Variants in SUSD5 observed in about 807,000 individuals in gnomAD.
SUSD5 encodes the protein sushi domain-containing protein 5.
A neutral mutation model predicts 29.5 loss-of-function variants in SUSD5; 33 were observed. The ratio of observed to expected loss-of-function variants is 1.12; its 90% CI spans 0.85 to 1.49. SUSD5 has a LOEUF of 1.49. Ranked by LOEUF, SUSD5 falls within the 40% of genes most tolerant of loss-of-function variation. The pLI, the probability that SUSD5 is intolerant of heterozygous loss-of-function variation, is 0.00. For missense variants in SUSD5, 776 were observed against 800.6 expected, an observed-to-expected ratio of 0.97 and a Z score of 0.37; for synonymous variants, 308 against 325.3, an observed-to-expected ratio of 0.95 and a Z score of 0.57.
chr3:33,186,676 C>T (rs577789322), intron 3 of SUSD5, among the ~76,000 whole-genome samples: 2 of 152,200 alleles, frequency 1.3e-5, no homozygotes, highest in South Asian at 2.1e-4. Context: ...CTGCCCGCCT[C>T]GGCCTCCCAA....
intron 3 of SUSD5, among the ~76,000 whole-genome samples, chr3:33,188,957 T>G (rs902597576): frequency 1.3e-5 from 2 of 152,330 alleles, no homozygotes; most frequent in East Asian, 3.9e-4. Context: ...TATAAGTGGT[T>G]GAAAATTATT....
intron 3 of SUSD5, among the ~76,000 whole-genome samples, chr3:33,188,955 G>A (rs2031832128): frequency 6.6e-6 from 1 of 152,138 alleles, no homozygotes; most frequent in African/African-American, 2.4e-5. Flanking sequence ...GGTATAAGTG[G>A]TTGAAAATTA....
intron 3 of SUSD5, among the ~76,000 whole-genome samples, chr3:33,175,563 C>CTA (rs144377358): frequency 0.13 from 19,795 of 150,182 alleles, 1,503 homozygotes; most frequent in South Asian, 0.25. Flanking sequence ...CACACACACA[C>CTA]TATATATATA....
At chr3:33,168,341 C>T (rs550609318) in intron 4 of SUSD5, among the ~76,000 whole-genome samples, 1 of 152,244 alleles carries the variant, frequency 6.6e-6, no homozygotes, top group East Asian at 1.9e-4. Context: ...GTTCAATAAA[C>T]CTCTGAACAA....
Position 33,153,798 on chromosome 3 carries a change from A to T in SUSD5, c.834T>A (p.Ser278Arg), listed in dbSNP as rs766685872. ...GTGATCCTGGTGAATCTGCGGGGACACTGCTCCCAGCACCAGGCAAGCCTG... is the reference window on the plus strand; with the variant it reads ...GTGATCCTGGTGAATCTGCGGGGACTCTGCTCCCAGCACCAGGCAAGCCTG... ...PTTGLPGAGS[S>R]VPADSPGSRL... The change falls in exon 5 of 5, where the codon AGT (serine) becomes AGA (arginine). Residue 278 changes from serine to arginine, a missense_variant. Transcript: ENST00000309558. 2 of 1,614,010 alleles carry T rather than the reference A, an allele frequency of 1.2e-6. No homozygotes were observed. Among genetic ancestry groups the T allele is most frequent in the Non-Finnish European group, 1.7e-6 (2 of 1,179,876 alleles).
intron 2 of SUSD5, 41 bp from the exon 3 acceptor site, chr3:33,207,967 G>C: frequency 1.4e-6 from 2 of 1,480,212 alleles, no homozygotes; most frequent in Non-Finnish European, 1.9e-6. Flanking sequence ...GAAAACTCTG[G>C]GTTGAAAATA....
At chr3:33,177,487 T>C (rs533394094) in intron 3 of SUSD5, among the ~76,000 whole-genome samples, 5 of 152,306 alleles carry the variant, frequency 3.3e-5, no homozygotes, top group African/African-American at 9.6e-5. Flanking sequence ...GGTGCTAATA[T>C]AAATGGTAAC....
intron 4 of SUSD5, among the ~76,000 whole-genome samples, chr3:33,164,969 A>AACACACACACACACC (rs1348203812): frequency 3.4e-5 from 5 of 147,036 alleles, no homozygotes; most frequent in Non-Finnish European, 7.5e-5. Context: ...ACTAAAGTTG[A>AACACACACACACACC]ACACACACAC....
intron 3 of SUSD5, among the ~76,000 whole-genome samples, chr3:33,189,627 T>G (rs915387266): frequency 1.3e-5 from 2 of 152,210 alleles, no homozygotes; most frequent in African/African-American, 4.8e-5. Context: ...TGTTTTTGTT[T>G]TGAGAAGTGT....
intron 3 of SUSD5, among the ~76,000 whole-genome samples, chr3:33,186,159 G>T (rs1048975088): frequency 6.6e-6 from 1 of 151,906 alleles, no homozygotes; most frequent in Non-Finnish European, 1.5e-5. Flanking sequence ...AAAATTAGCT[G>T]GGCGTGGTGG....
At chr3:33,161,428 A>G (rs72859137) in intron 4 of SUSD5, among the ~76,000 whole-genome samples, 43,303 of 150,674 alleles carry the variant, frequency 0.29, 6,907 homozygotes, top group East Asian at 0.52. Context: ...AAAATGCTTA[A>G]TTGCTTCGAA....
chr3:33,169,835 G>A (rs9854123), intron 4 of SUSD5, among the ~76,000 whole-genome samples: 61,276 of 151,948 alleles, frequency 0.4, 12,962 homozygotes, highest in East Asian at 0.72. Context: ...AAACAGAACC[G>A]ATGGAACTGA....
intron 4 of SUSD5, among the ~76,000 whole-genome samples, chr3:33,159,035 T>C (rs2031118632): frequency 6.6e-6 from 1 of 152,218 alleles, no homozygotes; most frequent in African/African-American, 2.4e-5. Context: ...TTCATTTTCT[T>C]TCAGGTCATC....
intron 3 of SUSD5, among the ~76,000 whole-genome samples, chr3:33,191,225 G>A (rs1246263359): frequency 1.3e-5 from 2 of 151,932 alleles, no homozygotes; most frequent in African/African-American, 4.8e-5. Context: ...CACCTCCTGG[G>A]TTTAAGCCAT....
chr3:33,203,269 A>G (rs1459322298), intron 3 of SUSD5, among the ~76,000 whole-genome samples: 1 of 152,218 alleles, frequency 6.6e-6, no homozygotes, highest in Non-Finnish European at 1.5e-5. Context: ...GCAGAGGGAC[A>G]GGGATAGAAC....
chr3:33,205,068 T>C (rs1559456477), intron 3 of SUSD5, among the ~76,000 whole-genome samples: 2 of 152,066 alleles, frequency 1.3e-5, no homozygotes, highest in African/African-American at 2.4e-5. Flanking sequence ...TTTTGAACCA[T>C]TGGAGAGTAA....
At chr3:33,177,722 A>G (rs766205366) in intron 3 of SUSD5, among the ~76,000 whole-genome samples, 2 of 152,016 alleles carry the variant, frequency 1.3e-5, no homozygotes, top group African/African-American at 4.8e-5. Flanking sequence ...GCTGGTCCAC[A>G]GGAAAGTGAT....
chr3:33,208,061 T>C (rs1429427381), intron 2 of SUSD5, 135 bp from the exon 3 acceptor site: 1 of 639,810 alleles, frequency 1.6e-6, no homozygotes, highest in Non-Finnish European at 2.7e-6. Context: ...AGCATAAATC[T>C]GGACACATTC....
chr3:33,157,107 C>T (rs557891457), intron 4 of SUSD5, among the ~76,000 whole-genome samples: 1 of 152,274 alleles, frequency 6.6e-6, no homozygotes, highest in South Asian at 2.1e-4. Flanking sequence ...CCTTCACATT[C>T]CCTGTTATAT....
Sources: allele counts gnomAD v4.1 joint callset (sites outside exome capture counted in the v4.1 genomes callset), GRCh38; gene constraint gnomAD v4.1.1; transcripts MANE v1.5; gene names NCBI Gene and HGNC (gene_info 2026-07-23, HGNC 2026-07-21).